The following SGCZ variants were observed in gnomAD, a reference collection of about 807,000 sequenced individuals.
SGCZ encodes the protein sarcoglycan zeta.
A neutral mutation model predicts 41.3 loss-of-function variants in SGCZ; 40 were observed. That is an observed-to-expected ratio of 0.97 (90% CI 0.75 to 1.26). SGCZ has a LOEUF of 1.26. Ranked by LOEUF, SGCZ falls within the 50% of genes most tolerant of loss-of-function variation. The probability of loss-of-function intolerance (pLI) is 0.00; values close to 1 mark genes in which losing one functional copy is unlikely to be tolerated. For synonymous variants in SGCZ, 206 were observed against 137.5 expected (o/e 1.50, Z -3.49); for missense variants, 552 against 369.8 (o/e 1.49, Z -4.04).
chr8:14,442,686 G>C (rs1182302813), intron 2 of SGCZ, among the ~76,000 whole-genome samples: 1 of 152,124 alleles, frequency 6.6e-6, no homozygotes, highest in Non-Finnish European at 1.5e-5. Context: ...TAAAATGCTA[G>C]TTAATGACTA....
chr8:14,503,247 G>A (rs540817212), intron 2 of SGCZ, among the ~76,000 whole-genome samples: 1 of 152,044 alleles, frequency 6.6e-6, no homozygotes, highest in Non-Finnish European at 1.5e-5. Context: ...GCTGAACAAT[G>A]AGAACATATG....
At chr8:15,102,516 A>G (rs992801617) in intron 1 of SGCZ, among the ~76,000 whole-genome samples, 4 of 152,202 alleles carry the variant, frequency 2.6e-5, no homozygotes, top group African/African-American at 9.6e-5. Context: ...TGTAAACTAT[A>G]GACTTTTGTT....
rs1036589793 is a variant in SGCZ at position 15,134,865 on chromosome 8, T to C, written c.39+102720A>G. On this transcript the variant is annotated intron_variant, in intron 1 of 7. Transcript: ENST00000382080. ...TTTTTTGATCATTACGGAATCATTA[T>C]GCATTACTTCTGAAACACGTTTGAA... 5.9e-5 allele frequency among the ~76,000 whole-genome samples: 9 copies of C among 152,230 alleles called. No individual in the cohort carries two copies. In the East Asian group the frequency reaches 1.7e-3, roughly 29 times the overall value.
chr8:14,663,222 G>T (rs1024789336), intron 1 of SGCZ, among the ~76,000 whole-genome samples: 1 of 151,996 alleles, frequency 6.6e-6, no homozygotes, highest in African/African-American at 2.4e-5. Context: ...CCTACCCCTT[G>T]GTATGATTTT....
intron 2 of SGCZ, among the ~76,000 whole-genome samples, chr8:14,478,545 G>A (rs928940373): frequency 3.9e-5 from 6 of 152,124 alleles, no homozygotes; most frequent in South Asian, 4.1e-4. Context: ...AGAGGGATGA[G>A]TAGGTGGAGC....
intron 1 of SGCZ, among the ~76,000 whole-genome samples, chr8:14,889,093 T>G (rs1804914040): frequency 1.3e-5 from 2 of 152,304 alleles, no homozygotes; most frequent in African/African-American, 4.8e-5. Context: ...GGCATAATAC[T>G]CCTGGAATCT....
intron 2 of SGCZ, among the ~76,000 whole-genome samples, chr8:14,543,549 T>A (rs1423614451): frequency 1.3e-5 from 2 of 152,014 alleles, no homozygotes; most frequent in Admixed American, 6.6e-5. Flanking sequence ...AGAGACCAAA[T>A]CTCCTTCCTT....
At chr8:14,292,571 T>G (rs536092067) in intron 3 of SGCZ, among the ~76,000 whole-genome samples, 1 of 152,164 alleles carries the variant, frequency 6.6e-6, no homozygotes, top group East Asian at 1.9e-4. Flanking sequence ...CTGCTTTGTG[T>G]TAGCTCCTAA....
chr8:14,852,731 C>T (rs956178469), intron 1 of SGCZ, among the ~76,000 whole-genome samples: 2 of 152,102 alleles, frequency 1.3e-5, no homozygotes, highest in Non-Finnish European at 2.9e-5. Context: ...TATGTTGGAG[C>T]AGGACCATAT....
intron 4 of SGCZ, among the ~76,000 whole-genome samples, chr8:14,220,049 C>T (rs540097344): frequency 2.6e-5 from 4 of 152,274 alleles, no homozygotes; most frequent in South Asian, 2.1e-4. Context: ...AGTGACTTAA[C>T]ATTGACGGTC....
At chr8:14,551,517 TATATATA>T (rs1563404442) in intron 2 of SGCZ, among the ~76,000 whole-genome samples, 9 of 6,844 alleles carry the variant, frequency 1.3e-3, no homozygotes, top group Non-Finnish European at 1.7e-3. Context: ...TTATATATAT[TATATATA>T]ATATATATAA....
At chr8:14,647,645 A>C (rs1397292) in intron 1 of SGCZ, among the ~76,000 whole-genome samples, 120,525 of 151,830 alleles carry the variant, frequency 0.79, 48,049 homozygotes, top group East Asian at 0.92. Flanking sequence ...AGAATAAATT[A>C]GTTTGTTCAT....
intron 1 of SGCZ, among the ~76,000 whole-genome samples, chr8:14,846,570 C>T (rs1227193315): frequency 1.3e-5 from 2 of 151,924 alleles, no homozygotes; most frequent in African/African-American, 4.8e-5. Context: ...GTTTGACAAT[C>T]TAGACCTATA....
chr8:14,256,720 C>T (rs556946221), intron 3 of SGCZ, among the ~76,000 whole-genome samples: 11 of 152,072 alleles, frequency 7.2e-5, no homozygotes, highest in African/African-American at 2.2e-4. Context: ...CCTAGTGTAC[C>T]TTATAATCTG....
At chr8:14,401,972 T>A (rs1204867920) in intron 2 of SGCZ, among the ~76,000 whole-genome samples, 3 of 151,878 alleles carry the variant, frequency 2.0e-5, no homozygotes, top group African/African-American at 7.3e-5. Flanking sequence ...TTTTTAATGA[T>A]TGCCATTCTA....
chr8:14,337,113 A>C (rs1170698991), intron 2 of SGCZ, among the ~76,000 whole-genome samples: 1 of 152,062 alleles, frequency 6.6e-6, no homozygotes, highest in Non-Finnish European at 1.5e-5. Flanking sequence ...TAAAATTTAT[A>C]CACCTTTAGA....
chr8:14,851,488 C>G (rs1298369634), intron 1 of SGCZ, among the ~76,000 whole-genome samples: 1 of 151,570 alleles, frequency 6.6e-6, no homozygotes, highest in African/African-American at 2.4e-5. Flanking sequence ...TGGCTTCCTG[C>G]AATACAACAG....
At chr8:14,478,163 A>T (rs1403146987) in intron 2 of SGCZ, among the ~76,000 whole-genome samples, 2 of 152,242 alleles carry the variant, frequency 1.3e-5, no homozygotes, top group African/African-American at 4.8e-5. Flanking sequence ...GCATAATCTT[A>T]TCATATAATC....
chr8:14,553,664 G>A (rs1425012635), intron 2 of SGCZ, among the ~76,000 whole-genome samples: 3 of 152,028 alleles, frequency 2.0e-5, no homozygotes, highest in South Asian at 2.1e-4. Flanking sequence ...CAACATGGAC[G>A]GCAGCTAGGG....
Sources: gnomAD v4.1 joint callset for allele counts (sites outside exome capture counted in the v4.1 genomes callset) on GRCh38, gnomAD v4.1.1 for gene constraint, MANE v1.5 for transcripts, NCBI Gene and HGNC (gene_info 2026-07-23, HGNC 2026-07-21) for gene names.